The following KCNG3 variants were observed in gnomAD, a reference collection of about 807,000 sequenced individuals.
KCNG3 encodes voltage-gated potassium channel regulatory subunit KCNG3.
Under a neutral mutation model 29.0 loss-of-function variants are expected in KCNG3, and 15 were observed. The ratio of observed to expected loss-of-function variants is 0.52; its 90% confidence interval spans 0.35 to 0.80. The LOEUF (loss-of-function observed/expected upper bound fraction) is 0.80. Ranked by LOEUF, KCNG3 falls within the 30% of genes least tolerant of loss-of-function variation. The pLI is 0.01. For synonymous variants in KCNG3, 322 were observed against 248.9 expected (o/e 1.29, Z -2.76); for missense variants, 512 against 605.7 (o/e 0.85, Z 1.62).
chr2:42,483,116 GTC>G (rs1299970161), intron 1 of KCNG3, among the ~76,000 whole-genome samples: 2 of 152,008 alleles, frequency 1.3e-5, no homozygotes, highest in Non-Finnish European at 2.9e-5. Context: ...TCAAGACCCT[GTC>G]TCAAAAAAAT....
At chr2:42,419,162 G>A in the KCNG3 span, among the ~76,000 whole-genome samples, 917 of 146,708 alleles carry the variant, frequency 6.3e-3, 7 homozygotes, top group African/African-American at 0.022. Flanking sequence ...CAGGCCTGTG[G>A]AAATTCGCAT....
chr2:42,413,544 T>A, the KCNG3 span, among the ~76,000 whole-genome samples: 3 of 152,230 alleles, frequency 2.0e-5, no homozygotes, highest in African/African-American at 2.4e-5. Context: ...TCTAGTCTTC[T>A]AGTCATATCA....
chr2:42,422,990 T>C, the KCNG3 span, among the ~76,000 whole-genome samples: 61 of 152,100 alleles, frequency 4.0e-4, no homozygotes, highest in Non-Finnish European at 2.9e-5. Flanking sequence ...AGAGGGACTT[T>C]TCACATCTTT....
the KCNG3 span, among the ~76,000 whole-genome samples, chr2:42,397,379 A>G: frequency 6.6e-6 from 1 of 152,224 alleles, no homozygotes; most frequent in East Asian, 1.9e-4. Context: ...AAGGGGTAAT[A>G]TATGTAAGTA....
At chr2:42,485,859 G>A (rs534034913) in intron 1 of KCNG3, among the ~76,000 whole-genome samples, 1 of 152,286 alleles carries the variant, frequency 6.6e-6, no homozygotes, top group South Asian at 2.1e-4. Context: ...AAGGCAAACT[G>A]CCTGAAAAAT....
the KCNG3 span, among the ~76,000 whole-genome samples, chr2:42,389,555 G>A: frequency 2.6e-5 from 4 of 152,214 alleles, no homozygotes; most frequent in East Asian, 7.7e-4. Context: ...ACTTTTTCAA[G>A]AATAAACTTT....
chr2:42,413,993 C>T, the KCNG3 span, among the ~76,000 whole-genome samples: 259 of 152,302 alleles, frequency 1.7e-3, 2 homozygotes, highest in African/African-American at 6.0e-3. Flanking sequence ...TATTTCTGAA[C>T]AAAACAATGA....
chr2:42,451,429 T>C (rs1672751932), intron 1 of KCNG3, among the ~76,000 whole-genome samples: 1 of 151,274 alleles, frequency 6.6e-6, no homozygotes. Context: ...AATAATGTTT[T>C]AAAATTAGCA....
At chr2:42,390,182 G>A in the KCNG3 span, among the ~76,000 whole-genome samples, 2 of 152,070 alleles carry the variant, frequency 1.3e-5, no homozygotes, top group Non-Finnish European at 2.9e-5. Flanking sequence ...GAAAAATTTG[G>A]CCCTTCATTA....
the KCNG3 span, among the ~76,000 whole-genome samples, chr2:42,420,976 T>C: frequency 2.0e-5 from 3 of 152,164 alleles, no homozygotes; most frequent in South Asian, 4.1e-4. Flanking sequence ...CAACTGTATG[T>C]TGTTAGAAAC....
chr2:42,480,215 G>A (rs1393213930), intron 1 of KCNG3, among the ~76,000 whole-genome samples: 1 of 151,010 alleles, frequency 6.6e-6, no homozygotes, highest in East Asian at 1.9e-4. Flanking sequence ...ATCCAAGGGC[G>A]CTTAGCATGG....
chr2:42,421,098 T>C, the KCNG3 span, among the ~76,000 whole-genome samples: 1 of 152,216 alleles, frequency 6.6e-6, no homozygotes, highest in Admixed American at 6.5e-5. Context: ...ACTGATCTCA[T>C]TTTTGAGATG....
chr2:42,445,006 A>G lies in KCNG3; in HGVS notation c.666-427T>C, dbSNP rs374394242. On this transcript the variant is annotated intron_variant, in intron 1 of 1. Coordinates refer to ENST00000306078, the MANE Select transcript of KCNG3 (RefSeq NM_133329.6). ...ACCTGAGCCTGGGAAGGTCAAGGCC[A>G]GAGTGAGCCATGACTGTGCCACTGC... 1.5e-4 allele frequency among the ~76,000 whole-genome samples: 23 copies of G among 151,540 alleles called. No individual in the cohort carries two copies. The East Asian group carries it at 1.7e-3, about 12-fold the overall frequency.
At chr2:42,463,179 G>GC (rs1673060685) in intron 1 of KCNG3, 1 of 346,964 alleles carries the variant, frequency 2.9e-6, no homozygotes, top group African/African-American at 2.2e-5. Flanking sequence ...ATGGCCACCA[G>GC]CATCGACGTT....
rs919812310 is a variant in KCNG3 at position 42,493,220 on chromosome 2, G to C, written c.282C>G (p.Phe94Leu). 1 of 1,611,542 alleles carries C rather than the reference G, an allele frequency of 6.2e-7. No homozygotes were observed. The highest frequency in any genetic ancestry group is 2.2e-5 in the East Asian group (1 of 44,848). The part of the protein sequence containing the change: ...RFAPRMCELS[F>L]YNEMIYWGLE... ...GGCCCCAGTAGATCATCTCGTTGTA[G>C]AAGGAGAGCTCGCACATCCGCGGCG... The change falls in exon 1 of 2, where the codon TTC (phenylalanine) becomes TTG (leucine). Residue 94 changes from phenylalanine (F) to leucine (L), a missense_variant. Phe to Leu is a conservative substitution (Grantham distance 22). Coordinates refer to ENST00000306078, the MANE Select transcript of KCNG3 (RefSeq NM_133329.6).
At chr2:42,452,771 GT>G in intron 1 of KCNG3, among the ~76,000 whole-genome samples, 1 of 3,184 alleles carries the variant, frequency 3.1e-4, no homozygotes, top group African/African-American at 8.7e-4. Flanking sequence ...ATTCAACTGG[GT>G]GTGTGTGTGT....
intron 1 of KCNG3, among the ~76,000 whole-genome samples, chr2:42,462,776 G>A (rs1673049708): frequency 6.6e-6 from 1 of 152,156 alleles, no homozygotes; most frequent in African/African-American, 2.4e-5. Context: ...ACTGGGGTTA[G>A]GAAACCAAGG....
In KCNG3 at chr2:42,482,107, T is replaced by C. The variant is rs549841550; in HGVS notation, c.665+10730A>G. ...CCAAACAGCTGGGACTACAGTGTTA[T>C]GTATTTATTTAATAGAATAGGTGGT... On this transcript the variant is annotated intron_variant, in intron 1 of 1. Transcript: ENST00000306078. 2.0e-5 allele frequency among the ~76,000 whole-genome samples: 3 copies of C among 152,330 alleles called. No individual in the cohort carries two copies. The South Asian group carries it at 6.2e-4, about 32-fold the overall frequency.
chr2:42,479,432 T>G (rs1450154651), intron 1 of KCNG3, among the ~76,000 whole-genome samples: 3 of 147,878 alleles, frequency 2.0e-5, no homozygotes, highest in African/African-American at 7.5e-5. Context: ...TCCCTTGAGC[T>G]AGGGAGTTTG....
Sources: gnomAD v4.1 joint callset for allele counts (sites outside exome capture counted in the v4.1 genomes callset) on GRCh38, gnomAD v4.1.1 for gene constraint, MANE v1.5 for transcripts, NCBI Gene and HGNC (gene_info 2026-07-23, HGNC 2026-07-21) for gene names.